The following RAD51AP2 variants were observed in gnomAD, a reference collection of about 807,000 sequenced individuals.
RAD51AP2 encodes RAD51 associated protein 2, also known as RAD51-associated protein 2.
RAD51AP2 carries 67 observed loss-of-function variants against 85.5 expected under a neutral mutation model. The ratio of observed to expected loss-of-function variants is 0.78; its 90% confidence interval spans 0.64 to 0.96. The LOEUF is 0.96. Ranked by LOEUF, RAD51AP2 falls within the 40% of genes least tolerant of loss-of-function variation. The pLI is 0.00. For synonymous variants in RAD51AP2, 474 were observed against 446.5 expected (o/e 1.06, Z -0.78); for missense variants, 1,307 against 1,332.4 (o/e 0.98, Z 0.30).
At chr2:17,536,893 C>T in the RAD51AP2 span, among the ~76,000 whole-genome samples, 1 of 152,110 alleles carries the variant, frequency 6.6e-6, no homozygotes, top group Admixed American at 6.5e-5. Flanking sequence ...GGGGCACAGA[C>T]ATATACAATG....
rs2103309679 is a variant in RAD51AP2, at chr2:17,516,297, T to C, written c.2119A>G (p.Thr707Ala). The C allele has an allele frequency of 6.2e-7, 1 of 1,606,394 alleles. No individual in the cohort carries two copies. Among genetic ancestry groups the C allele is most frequent in the East Asian group, 2.2e-5 (1 of 44,796 alleles). Reference sequence around the variant, plus strand: ...TGAGGACAACTCATATTCTGACAAGTAATTTCTCTTATTAAAGAAATTTCA... The same window carrying C: ...TGAGGACAACTCATATTCTGACAAGCAATTTCTCTTATTAAAGAAATTTCA... ...MDEISLIREI[T>A]CQNMSCPQQV... Residue 707 changes from threonine to alanine, a missense_variant, in exon 1 of 3, where the codon ACT becomes GCT. Thr to Ala is a moderately conservative substitution (Grantham distance 58, BLOSUM62 0). This residue lies in a region of RAD51AP2 where 668 missense variants were observed against 671.0 expected (regional missense o/e 1.00). Transcript: ENST00000399080.
At position 17,516,147 on chromosome 2, in the gene RAD51AP2, T is replaced by G; in HGVS notation, c.2269A>C (p.Asn757His). Residue 757 changes from asparagine (N) to histidine (H), a missense_variant, in exon 1 of 3, where the codon AAT becomes CAT. Asn to His is a moderately conservative substitution (Grantham distance 68). Coordinates refer to ENST00000399080, the MANE Select transcript of RAD51AP2 (RefSeq NM_001099218.3). ...ATATTTAAATCTTGGCTGTGCATATTTACTTCATAAAAATTTTCATTAATG... is the reference window on the plus strand; with the variant it reads ...ATATTTAAATCTTGGCTGTGCATATGTACTTCATAAAAATTTTCATTAATG... ...GYINENFYEVNMHSQDLNMER... is the reference protein window; with the variant it reads ...GYINENFYEVHMHSQDLNMER... The G allele has an allele frequency of 6.2e-7, 1 of 1,613,006 alleles. No homozygotes were observed. Among genetic ancestry groups the G allele is most frequent in the Non-Finnish European group, 8.5e-7 (1 of 1,179,580 alleles).
the RAD51AP2 span, among the ~76,000 whole-genome samples, chr2:17,534,396 C>T: frequency 8.5e-4 from 129 of 152,106 alleles, no homozygotes; most frequent in Non-Finnish European, 1.5e-3. Flanking sequence ...ACCTGAAACT[C>T]GGAAAGATAG....
At chr2:17,528,702 G>A in the RAD51AP2 span, among the ~76,000 whole-genome samples, 1 of 152,056 alleles carries the variant, frequency 6.6e-6, no homozygotes, top group Non-Finnish European at 1.5e-5. Flanking sequence ...AATTAGCCTG[G>A]CATGGTGGCA....
chr2:17,522,562 C>A (rs1376098297), upstream of RAD51AP2, among the ~76,000 whole-genome samples: 1 of 151,852 alleles, frequency 6.6e-6, no homozygotes, highest in Non-Finnish European at 1.5e-5. Flanking sequence ...TGGAATGTTC[C>A]ACTATTTACA....
rs2103313590 is a variant in RAD51AP2 at position 17,518,322 on chromosome 2, T to C, written c.94A>G (p.Ser32Gly). ...TCCTCAAGACAGAGCCGCTTGCTAC[T>C]AGGTGGTTGGGAATCCGGGTCCTCA... ...PPEDPDSQPP[S>G]SKRLCLEEPG... The change falls in exon 1 of 3, where the codon AGT becomes GGT. Residue 32 changes from serine to glycine, a missense_variant. Ser to Gly is a moderately conservative substitution (Grantham distance 56). This residue lies in a region of RAD51AP2 where 635 missense variants were observed against 643.6 expected (regional missense o/e 0.99). Transcript: ENST00000399080. 1 of 1,614,096 alleles carries C rather than the reference T, an allele frequency of 6.2e-7. No individual in the cohort carries two copies. The highest frequency in any genetic ancestry group is 8.5e-7 in the Non-Finnish European group (1 of 1,180,006).
upstream of RAD51AP2, chr2:17,518,520 T>G: frequency 7.0e-7 from 1 of 1,424,382 alleles, no homozygotes; most frequent in Non-Finnish European, 9.4e-7. Flanking sequence ...CCTCAAGACC[T>G]GGCCTTAGCC....
the RAD51AP2 span, among the ~76,000 whole-genome samples, chr2:17,532,515 C>CA: frequency 6.6e-6 from 1 of 151,162 alleles, no homozygotes; most frequent in Non-Finnish European, 1.5e-5. Flanking sequence ...ACCCCCACCT[C>CA]AAAAAAGAAA....
chr2:17,526,447 C>T, the RAD51AP2 span, among the ~76,000 whole-genome samples: 1 of 152,010 alleles, frequency 6.6e-6, no homozygotes, highest in Non-Finnish European at 1.5e-5. Flanking sequence ...ACACTCCAAA[C>T]TGGTAGAATA....
intron 2 of RAD51AP2, among the ~76,000 whole-genome samples, chr2:17,511,835 A>G (rs921724364): frequency 2.0e-5 from 3 of 152,230 alleles, no homozygotes; most frequent in Non-Finnish European, 4.4e-5. Flanking sequence ...ATAAACAGGG[A>G]GAAAAACAAC....
chr2:17,516,219 C>T lies in RAD51AP2; in HGVS notation c.2197G>A (p.Ala733Thr), dbSNP rs2103309519. The T allele has an allele frequency of 1.2e-6, 2 of 1,613,274 alleles. No homozygotes were observed. The highest frequency in any genetic ancestry group is 1.7e-6 in the Non-Finnish European group (2 of 1,179,710). ...WAHYNSSTVK[A>T]HGNSCPQFIQ... ...AATTGAGGACAAGAATTACCATGTG[C>T]TTTAACAGTACTAGAATTATAGTGA... The change falls in exon 1 of 3, where the codon GCA becomes ACA. Residue 733 changes from alanine (A) to threonine (T), a missense_variant. Ala to Thr is a moderately conservative substitution (Grantham distance 58). Transcript: ENST00000399080.
At chr2:17,533,583 C>A in the RAD51AP2 span, among the ~76,000 whole-genome samples, 2 of 152,148 alleles carry the variant, frequency 1.3e-5, no homozygotes, top group Non-Finnish European at 2.9e-5. Flanking sequence ...AGTTATGACT[C>A]TTCTAGTCCC....
chr2:17,525,170 A>G, the RAD51AP2 span, among the ~76,000 whole-genome samples: 3 of 152,020 alleles, frequency 2.0e-5, no homozygotes, highest in East Asian at 3.8e-4. Flanking sequence ...TATTTTAAAA[A>G]ACTAAATCTA....
chr2:17,511,251 AG>A (rs1291400084), intron 2 of RAD51AP2, among the ~76,000 whole-genome samples: 6 of 152,180 alleles, frequency 3.9e-5, no homozygotes, highest in African/African-American at 1.4e-4. Context: ...AAAACCATAT[AG>A]GTTTTAAAGC....
At position 17,510,948 on chromosome 2, in the gene RAD51AP2, G is replaced by T; in HGVS notation, c.3336C>A (p.His1112Gln). The T allele has an allele frequency of 6.3e-7, 1 of 1,587,396 alleles. No individual in the cohort carries two copies. Among genetic ancestry groups the T allele is most frequent in the Non-Finnish European group, 8.6e-7 (1 of 1,169,316 alleles). ...GTACTCTTGAAATGCCATGTGGAAA[G>T]TGACTACCTAAAAATATAAGACAAT... Reference protein sequence around the residue: ...EFNYLLRGGSHFPHGISRVRP... With the variant: ...EFNYLLRGGSQFPHGISRVRP... Residue 1112 changes from histidine to glutamine, a missense_variant, in exon 3 of 3, where the codon CAC becomes CAA. Physicochemically the swap from His to Gln is conservative, Grantham distance 24. Coordinates refer to ENST00000399080, the MANE Select transcript of RAD51AP2 (RefSeq NM_001099218.3).
At chr2:17,526,810 G>A in the RAD51AP2 span, among the ~76,000 whole-genome samples, 10 of 152,106 alleles carry the variant, frequency 6.6e-5, no homozygotes, top group Admixed American at 6.6e-4. Context: ...ATATACAACA[G>A]TCAAAACTAC....
At chr2:17,519,000 T>C (rs1200139680), upstream of RAD51AP2, among the ~76,000 whole-genome samples, 1 of 151,962 alleles carries the variant, frequency 6.6e-6, no homozygotes, top group African/African-American at 2.4e-5. Flanking sequence ...ACTAATAAAG[T>C]GTGTTTGGGG....
chr2:17,513,875 A>C, intron 2 of RAD51AP2, 137 bp downstream of exon 2: 1 of 592,806 alleles, frequency 1.7e-6, no homozygotes, highest in Non-Finnish European at 3.0e-6. Context: ...TATCAGTATA[A>C]TATTAATGCT....
chr2:17,535,374 G>T, the RAD51AP2 span, among the ~76,000 whole-genome samples: 1 of 152,208 alleles, frequency 6.6e-6, no homozygotes, highest in African/African-American at 2.4e-5. Flanking sequence ...GATCTTGCAT[G>T]CTGTGCTAAG....
Sources: gnomAD v4.1 joint callset for allele counts (sites outside exome capture counted in the v4.1 genomes callset) on GRCh38, gnomAD v4.1.1 for gene constraint, gnomAD v4.1.1 regional missense constraint, MANE v1.5 for transcripts, NCBI Gene and HGNC (gene_info 2026-07-23, HGNC 2026-07-21) for gene names.